AKAP17A: variants seen among roughly 807,000 people sequenced by gnomAD.
AKAP17A encodes A-kinase anchoring protein 17A.
A neutral mutation model predicts 52.2 loss-of-function variants in AKAP17A; 15 were observed. The ratio of observed to expected loss-of-function variants is 0.29; its 90% CI spans 0.19 to 0.44. AKAP17A has a LOEUF of 0.44. Among genes scored for constraint, AKAP17A ranks in the 20% least tolerant of loss-of-function variants. AKAP17A has a pLI of 1.00. For synonymous variants in AKAP17A, 514 were observed against 424.7 expected, an observed-to-expected ratio of 1.21 and a Z score of -2.58; for missense variants, 1,060 against 1,007.0, an observed-to-expected ratio of 1.05 and a Z score of -0.71.
chrX:1,597,224 C>T (rs1314711827), intron 3 of AKAP17A, among the ~76,000 whole-genome samples: 6 of 152,192 alleles, frequency 3.9e-5, no homozygotes, highest in South Asian at 2.1e-4. Flanking sequence ...GTGTTCTTTA[C>T]GTAGCCCCCG....
chrX:1,594,833 G>A (rs1463531295), intron 2 of AKAP17A, among the ~76,000 whole-genome samples: 1 of 152,082 alleles, frequency 6.6e-6, no homozygotes, highest in Non-Finnish European at 1.5e-5. Context: ...TGGCCAGGCT[G>A]GTCTCGAACT....
At chrX:1,598,385 T>G (rs1167208220) in intron 3 of AKAP17A, among the ~76,000 whole-genome samples, 1 of 152,146 alleles carries the variant, frequency 6.6e-6, no homozygotes, top group Non-Finnish European at 1.5e-5. Flanking sequence ...CTCCCCTTGG[T>G]GTCTGCGTGG....
chrX:1,598,162 C>T (rs1320030741), intron 3 of AKAP17A, among the ~76,000 whole-genome samples: 3 of 152,152 alleles, frequency 2.0e-5, no homozygotes, highest in Non-Finnish European at 1.5e-5. Flanking sequence ...TGCTGGGCTG[C>T]CCTGAGCCGC....
chrX:1,595,903 T>C (rs1880324650), intron 3 of AKAP17A, among the ~76,000 whole-genome samples: 1 of 152,122 alleles, frequency 6.6e-6, no homozygotes, highest in Non-Finnish European at 1.5e-5. Context: ...TGTGAACCCG[T>C]GTGTGTACTT....
Position 1,599,072 on chromosome X carries a change from A to G in AKAP17A, c.912-120A>G, listed in dbSNP as rs1933194331. 1.1e-5 allele frequency: 16 copies of G among 1,458,744 alleles called. No homozygotes were observed. The East Asian group carries it at 3.6e-4, about 33-fold the overall frequency. The allele number at this position is 1,458,744 out of a possible 1,614,324, so 90.4% of individuals were successfully genotyped here. Reference sequence around the variant, plus strand: ...AACCGAGGTCCACCTTGGGATAAAGAGTTAAATGCTTAATCGTTGGACCGT... The same window carrying G: ...AACCGAGGTCCACCTTGGGATAAAGGGTTAAATGCTTAATCGTTGGACCGT... On this transcript the variant is annotated intron_variant, in intron 3 of 4. Coordinates refer to ENST00000313871, the MANE Select transcript of AKAP17A (RefSeq NM_005088.3).
intron 2 of AKAP17A, among the ~76,000 whole-genome samples, chrX:1,594,595 C>CT (rs1418447437): frequency 6.6e-6 from 1 of 151,816 alleles, no homozygotes; most frequent in Non-Finnish European, 1.5e-5. Flanking sequence ...GCCTCATGTG[C>CT]TTTTTTATTT....
chrX:1,599,183 T>C lies in AKAP17A; in HGVS notation c.912-9T>C. The C allele has an allele frequency of 6.2e-7, 1 of 1,611,254 alleles. No homozygotes were observed. Among genetic ancestry groups the C allele is most frequent in the Non-Finnish European group, 8.5e-7 (1 of 1,179,550 alleles). On this transcript the variant is annotated splice_polypyrimidine_tract_variant and intron_variant, in intron 3 of 4. Coordinates refer to ENST00000313871, the MANE Select transcript of AKAP17A (RefSeq NM_005088.3). ...CTCTCTGTGACCACCCCCGGTGTGT[T>C]CCACACAGGAAACAAAAGGAGCTGG...
chrX:1,601,423 G>A lies in AKAP17A; in HGVS notation c.1917G>A (p.Thr639=), dbSNP rs148490647. The A allele has an allele frequency of 8.4e-5, 132 of 1,567,976 alleles. No homozygotes were observed. Among genetic ancestry groups the A allele is most frequent in the Non-Finnish European group, 1.1e-4 (124 of 1,164,714 alleles). ...ATGACAGCCCCCGCCGGCGCAGCAC[G>A]AGCCCGGACCACACCCGGTCCCGGA... ...YKDDSPRRRS[T]SPDHTRSRRS... is the part of the protein sequence containing the mutation. Residue 639 remains threonine (T), a synonymous_variant, in exon 5 of 5, where the codon ACG becomes ACA. Transcript: ENST00000313871.
At position 1,601,274 on chromosome X, in the gene AKAP17A, G is replaced by A. The variant is rs373325678; in HGVS notation, c.1768G>A (p.Ala590Thr). The change falls in exon 5 of 5, where the codon GCC becomes ACC. Residue 590 changes from alanine (A) to threonine (T), a missense_variant. Transcript: ENST00000313871. ...NREPSKGRGRATGDGLADRHK... is the reference protein window; with the variant it reads ...NREPSKGRGRTTGDGLADRHK... The stretch of plus-strand genomic sequence containing the variant: ...GGAGCCCAGCAAGGGCCGGGGCCGG[G>A]CCACCGGAGACGGGCTTGCTGACCG... The A allele has an allele frequency of 4.3e-6, 7 of 1,612,648 alleles. No homozygotes were observed. The highest frequency in any genetic ancestry group is 1.7e-4 in the Middle Eastern group (1 of 6,016).
chrX:1,596,559 C>T (rs1278174520), intron 3 of AKAP17A, among the ~76,000 whole-genome samples: 1 of 132,032 alleles, frequency 7.6e-6, no homozygotes. Flanking sequence ...TCCCACCCTC[C>T]TAGTGAGGTG....
Position 1,599,577 on chromosome X carries a change from G to A in AKAP17A, c.1152+145G>A, listed in dbSNP as rs1279828889. 4.4e-6 allele frequency: 5 copies of A among 1,142,448 alleles called. No homozygotes were observed. The African/African-American group carries it at 6.1e-5, about 14-fold the overall frequency. The allele number at this position is 1,142,448 out of a possible 1,614,324, so 70.8% of individuals were successfully genotyped here. On this transcript the variant is annotated intron_variant, in intron 4 of 4. Coordinates refer to ENST00000313871, the MANE Select transcript of AKAP17A (RefSeq NM_005088.3). ...ACCAGCTTTAATGCCGAGGATGACG[G>A]CTCCTTCCCGGGAGGGTGTAGCGCT...
In AKAP17A at chrX:1,601,663, C is replaced by T; in HGVS notation, c.*69C>T. Reference sequence around the variant, plus strand: ...ACCTGCTCGAGCCTCCTGGCCGCTCCTTGGCCGCTCTCCGTCCACCCCTGC... The same window carrying T: ...ACCTGCTCGAGCCTCCTGGCCGCTCTTTGGCCGCTCTCCGTCCACCCCTGC... On this transcript the variant is annotated 3_prime_UTR_variant, in exon 5 of 5. Transcript: ENST00000313871. 7.5e-7 allele frequency: 1 copy of T among 1,326,808 alleles called. No individual in the cohort carries two copies. The highest frequency in any genetic ancestry group is 1.9e-5 in the South Asian group (1 of 51,562). 82.2% of individuals were successfully genotyped at this position (1,326,808 alleles called of 1,614,324 possible).
At position 1,593,985 on chromosome X, in the gene AKAP17A, G is replaced by A. The variant is rs1932889756; in HGVS notation, c.523G>A (p.Val175Ile). 6.2e-7 allele frequency: 1 copy of A among 1,602,630 alleles called. No individual in the cohort carries two copies. The highest frequency in any genetic ancestry group is 1.3e-5 in the African/African-American group (1 of 74,700). The change falls in exon 2 of 5, where the codon GTC becomes ATC. Residue 175 changes from valine to isoleucine, a missense_variant. This residue lies in a region of AKAP17A where 267 missense variants were observed against 377.1 expected (regional missense o/e 0.71). Coordinates refer to ENST00000313871, the MANE Select transcript of AKAP17A (RefSeq NM_005088.3). ...GSEKPSEDVL[V>I]KVFEKFGEIR... ...CGAGAAGCCCAGCGAGGACGTCCTG[G>A]TCAAGGTGTTTGAGAAGTTCGGGGA...
chrX:1,599,518 C>T (rs1301448805), intron 4 of AKAP17A, 86 bp downstream of exon 4: 13 of 1,533,202 alleles, frequency 8.5e-6, no homozygotes, highest in Non-Finnish European at 1.1e-5. Flanking sequence ...CGTCACGGCG[C>T]CGTTTCCCCG....
At chrX:1,592,924 ATTG>A (rs1341841921) in intron 1 of AKAP17A, among the ~76,000 whole-genome samples, 1 of 152,016 alleles carries the variant, frequency 6.6e-6, no homozygotes, top group Admixed American at 6.6e-5. Context: ...ATGGTTCTGG[ATTG>A]TTGTTGCAGC....
chrX:1,593,690 C>G lies in AKAP17A; in HGVS notation c.228C>G (p.Phe76Leu). 6.2e-7 allele frequency: 1 copy of G among 1,614,010 alleles called. No individual in the cohort carries two copies. The highest frequency in any genetic ancestry group is 8.5e-7 in the Non-Finnish European group (1 of 1,179,878). The change falls in exon 2 of 5, where the codon TTC becomes TTG. Residue 76 changes from phenylalanine (F) to leucine (L), a missense_variant. Phe to Leu is a conservative substitution (Grantham distance 22, BLOSUM62 0). Around this residue, in one of 2 missense-constraint regions of AKAP17A, gnomAD observed 267 missense variants for 377.1 expected, o/e 0.71. Transcript: ENST00000313871. ...GTATTTCCAAGAGCACCATGGACTT[C>G]ATCCGCTTCGAGGGGGAGGTGGAGA... The part of the protein sequence containing the change: ...TLRISKSTMD[F>L]IRFEGEVENK...
At chrX:1,598,823 G>C (rs1933174314) in intron 3 of AKAP17A, among the ~76,000 whole-genome samples, 1 of 152,224 alleles carries the variant, frequency 6.6e-6, no homozygotes, top group Admixed American at 6.5e-5. Context: ...CCGCGCCGCT[G>C]TGCATCCCGG....
chrX:1,599,698 G>A (rs1603460283), intron 4 of AKAP17A: 7 of 641,898 alleles, frequency 1.1e-5, no homozygotes, highest in Middle Eastern at 3.8e-4. Flanking sequence ...CCTCCCGGGG[G>A]CCAGGGCAGA....
intron 3 of AKAP17A, among the ~76,000 whole-genome samples, chrX:1,598,695 T>C (rs747303158): frequency 2.0e-5 from 3 of 152,160 alleles, no homozygotes; most frequent in Non-Finnish European, 4.4e-5. Context: ...GGCGTGGCTG[T>C]GGTTGGATTT....
Sources: gnomAD v4.1 joint callset for allele counts (sites outside exome capture counted in the v4.1 genomes callset) on GRCh38, gnomAD v4.1.1 for gene constraint, gnomAD v4.1.1 regional missense constraint, MANE v1.5 for transcripts, NCBI Gene and HGNC (gene_info 2026-07-23, HGNC 2026-07-21) for gene names.